GSK3B: variants seen among roughly 807,000 people sequenced by gnomAD.
GSK3B encodes glycogen synthase kinase 3 beta.
Under a neutral mutation model 56.4 loss-of-function variants are expected in GSK3B, and 15 were observed. The ratio of observed to expected loss-of-function variants is 0.27; its 90% confidence interval spans 0.18 to 0.41. The LOEUF is 0.41. GSK3B is among the 10% of genes least tolerant of loss of function. The pLI, the probability that GSK3B is intolerant of heterozygous loss-of-function variation, is 1.00. For missense variants in GSK3B, 300 were observed against 513.4 expected (o/e 0.58, Z 4.02); for synonymous variants, 181 against 188.9 (o/e 0.96, Z 0.34).
Position 120,009,110 on chromosome 3 carries a change from A to T in GSK3B, c.89-6871T>A, listed in dbSNP as rs530673647. 2.0e-5 allele frequency among the ~76,000 whole-genome samples: 3 copies of T among 152,360 alleles called. No individual in the cohort carries two copies. The East Asian group carries it at 5.8e-4, about 29-fold the overall frequency. ...GCTCATCGTCACTGGTTATTAGAGA[A>T]ATGCAAATCAGAACCACAATGAGAT... On this transcript the variant is annotated intron_variant, in intron 1 of 10. Transcript: ENST00000264235.
At chr3:119,910,324 A>G (rs769176802) in intron 6 of GSK3B, among the ~76,000 whole-genome samples, 4 of 152,198 alleles carry the variant, frequency 2.6e-5, no homozygotes, top group Non-Finnish European at 5.9e-5. Flanking sequence ...TCCAGACCAT[A>G]ACAATAAGAC....
At position 119,822,324 on chromosome 3, in the gene GSK3B, T is replaced by G. The variant is rs998067373; in HGVS notation, c.*4464A>C. The G allele has an allele frequency of 4.6e-5, 9 of 196,332 alleles. No individual in the cohort carries two copies. The highest frequency in any genetic ancestry group is 7.4e-5 in the Non-Finnish European group (7 of 95,118). 12.2% of individuals were successfully genotyped at this position (196,332 alleles called of 1,614,324 possible). On this transcript the variant is annotated 3_prime_UTR_variant, in exon 11 of 11. Transcript: ENST00000264235. ...ATGGAAGTGGTCACGCTAATTGGTA[T>G]GTGTACAGGCCCAAGTGATCCATCG...
rs749190676 is a variant in GSK3B at position 119,866,585 on chromosome 3, C to T, written c.910-2980G>A. ...AATTTTGGGAAAAAAAAATTAAGTA[C>T]ATACCCGCACTCCTGAGGTGAAATG... On this transcript the variant is annotated intron_variant, in intron 8 of 10. Transcript: ENST00000264235. 1.3e-6 allele frequency: 2 copies of T among 1,594,220 alleles called. No individual in the cohort carries two copies. The highest frequency in any genetic ancestry group is 1.7e-6 in the Non-Finnish European group (2 of 1,164,762).
chr3:119,954,128 T>G (rs2057185899), intron 2 of GSK3B, among the ~76,000 whole-genome samples: 1 of 152,100 alleles, frequency 6.6e-6, no homozygotes, highest in Admixed American at 6.6e-5. Flanking sequence ...CAAAGTAATT[T>G]CCCAGCTTCT....
chr3:119,871,406 G>C (rs1412454968), intron 8 of GSK3B, among the ~76,000 whole-genome samples: 1 of 152,114 alleles, frequency 6.6e-6, no homozygotes. Flanking sequence ...TTACTATTAA[G>C]TATTAAACTA....
intron 2 of GSK3B, among the ~76,000 whole-genome samples, chr3:119,975,395 T>C (rs112689252): frequency 0.026 from 3,929 of 152,018 alleles, 171 homozygotes; most frequent in African/African-American, 0.089. Context: ...TGCAGTGAGC[T>C]AAGATTGTGC....
At chr3:119,922,271 AAGGAAGGG>A (rs1559837909) in intron 4 of GSK3B, among the ~76,000 whole-genome samples, 3 of 146,060 alleles carry the variant, frequency 2.1e-5, no homozygotes, top group Non-Finnish European at 4.5e-5. Flanking sequence ...GGAAGGAAGG[AAGGAAGGG>A]AGGAGGGAAA....
chr3:120,053,335 T>C (rs752755321), intron 1 of GSK3B, among the ~76,000 whole-genome samples: 30 of 152,128 alleles, frequency 2.0e-4, no homozygotes, highest in Non-Finnish European at 4.1e-4. Context: ...AGACACTGGC[T>C]CAAAAGAAAA....
At chr3:120,040,087 C>T (rs997136104) in intron 1 of GSK3B, among the ~76,000 whole-genome samples, 6 of 152,306 alleles carry the variant, frequency 3.9e-5, no homozygotes, top group African/African-American at 7.2e-5. Context: ...CATACCACAG[C>T]GACTAGGTAA....
intron 2 of GSK3B, among the ~76,000 whole-genome samples, chr3:119,956,271 C>T (rs941657876): frequency 6.6e-6 from 1 of 152,162 alleles, no homozygotes; most frequent in African/African-American, 2.4e-5. Flanking sequence ...CTCAGGGACA[C>T]TGAAGCAGAT....
intron 9 of GSK3B, among the ~76,000 whole-genome samples, chr3:119,858,847 T>C (rs1209143558): frequency 6.6e-6 from 1 of 152,188 alleles, no homozygotes; most frequent in Non-Finnish European, 1.5e-5. Flanking sequence ...ATTTCAATAT[T>C]GTTGTGTCTC....
chr3:119,858,418 C>G (rs1161318641), intron 9 of GSK3B, among the ~76,000 whole-genome samples: 5 of 152,212 alleles, frequency 3.3e-5, no homozygotes, highest in Admixed American at 3.3e-4. Flanking sequence ...TCACCTTGCA[C>G]TTGAATGGTA....
chr3:119,895,981 T>A (rs113973477), intron 7 of GSK3B, among the ~76,000 whole-genome samples: 3 of 151,852 alleles, frequency 2.0e-5, no homozygotes, highest in African/African-American at 7.2e-5. Context: ...TACAAAAATT[T>A]GCCAGGCATG....
chr3:120,049,793 C>G (rs549806489), intron 1 of GSK3B, among the ~76,000 whole-genome samples: 1 of 152,058 alleles, frequency 6.6e-6, no homozygotes, highest in East Asian at 1.9e-4. Flanking sequence ...CTGTAAAAGG[C>G]CCGACAGTAA....
chr3:120,029,930 T>C, intron 1 of GSK3B: 1 of 543,188 alleles, frequency 1.8e-6, no homozygotes, highest in Non-Finnish European at 3.7e-6. Flanking sequence ...CAGGAACACA[T>C]GGGCCCTAGA....
chr3:120,009,045 A>G (rs1228201728), intron 1 of GSK3B, among the ~76,000 whole-genome samples: 3 of 152,238 alleles, frequency 2.0e-5, no homozygotes, highest in Non-Finnish European at 4.4e-5. Flanking sequence ...ACACGTCTCA[A>G]AAGAAGACAT....
rs2107989774 is a variant in GSK3B at position 119,824,661 on chromosome 3, A to T, written c.*2127T>A. Reference sequence around the variant, plus strand: ...ATACTTTGATTTCAGACTTCTTTCAAATCTTAGCTTTCAGAAGCACTTTAT... The same window carrying T: ...ATACTTTGATTTCAGACTTCTTTCATATCTTAGCTTTCAGAAGCACTTTAT... On this transcript the variant is annotated 3_prime_UTR_variant, in exon 11 of 11. Transcript: ENST00000264235. 5.1e-6 allele frequency: 1 copy of T among 197,402 alleles called. No homozygotes were observed. The highest frequency in any genetic ancestry group is 1.9e-4 in the South Asian group (1 of 5,238). The allele number at this position is 197,402 out of a possible 1,614,324, so 12.2% of individuals were successfully genotyped here.
intron 10 of GSK3B, among the ~76,000 whole-genome samples, chr3:119,836,200 C>G (rs1217229846): frequency 6.6e-6 from 1 of 152,080 alleles, no homozygotes; most frequent in Non-Finnish European, 1.5e-5. Flanking sequence ...AGGCTAATAA[C>G]TAACAAGAAA....
rs1217914795 is a variant in GSK3B, at chr3:119,822,377, C to G, written c.*4411G>C. The G allele has an allele frequency of 4.7e-6, 1 of 210,792 alleles. No individual in the cohort carries two copies. Among genetic ancestry groups the G allele is most frequent in the Middle Eastern group, 1.5e-3 (1 of 662 alleles). The allele number at this position is 210,792 out of a possible 1,614,324, so 13.1% of individuals were successfully genotyped here. The stretch of plus-strand genomic sequence containing the variant: ...AACACATTTATAAATGCAAATTTTA[C>G]AGGCAAGCAGATTTTCATACAACTA... On this transcript the variant is annotated 3_prime_UTR_variant, in exon 11 of 11. Coordinates refer to ENST00000264235, the MANE Select transcript of GSK3B (RefSeq NM_001146156.2).
Sources: gnomAD v4.1 joint callset for allele counts (sites outside exome capture counted in the v4.1 genomes callset) on GRCh38, gnomAD v4.1.1 for gene constraint, MANE v1.5 for transcripts, NCBI Gene and HGNC (gene_info 2026-07-23, HGNC 2026-07-21) for gene names.